SLC26A8: variants seen among roughly 807,000 people sequenced by gnomAD.
SLC26A8 encodes the protein testis anion transporter 1.
Under a neutral mutation model 105.0 loss-of-function variants are expected in SLC26A8, and 70 were observed. The ratio of observed to expected loss-of-function variants is 0.67; its 90% CI spans 0.55 to 0.81. The LOEUF (loss-of-function observed/expected upper bound fraction) is 0.81. SLC26A8 is among the 40% of genes least tolerant of loss of function. The pLI is 0.00. For synonymous variants in SLC26A8, 415 were observed against 438.3 expected (o/e 0.95, Z 0.66); for missense variants, 998 against 1,181.8 (o/e 0.84, Z 2.28).
intron 5 of SLC26A8, among the ~76,000 whole-genome samples, chr6:35,993,674 C>T (rs1275365711): frequency 1.3e-5 from 2 of 151,928 alleles, no homozygotes; most frequent in Non-Finnish European, 2.9e-5. Context: ...ATGTTGGGGA[C>T]AATATTTGAT....
intron 4 of SLC26A8, among the ~76,000 whole-genome samples, chr6:35,998,154 T>C (rs974945378): frequency 5.9e-5 from 9 of 152,190 alleles, no homozygotes; most frequent in African/African-American, 1.4e-4. Flanking sequence ...CTTTGTGTTA[T>C]GGGTATGTTG....
At chr6:35,993,717 C>T (rs181870922) in intron 5 of SLC26A8, among the ~76,000 whole-genome samples, 1 of 151,940 alleles carries the variant, frequency 6.6e-6, no homozygotes, top group Non-Finnish European at 1.5e-5. Context: ...TTGAGATGTT[C>T]GTCTTTTATA....
intron 5 of SLC26A8, among the ~76,000 whole-genome samples, chr6:35,993,258 G>A (rs1334104030): frequency 6.7e-6 from 1 of 148,226 alleles, no homozygotes; most frequent in Non-Finnish European, 1.5e-5. Flanking sequence ...TCCTGTTTTG[G>A]CCTCCCAAAA....
chr6:35,989,753 G>A (rs928219203), intron 7 of SLC26A8: 1 of 152,142 alleles, frequency 6.6e-6, no homozygotes, highest in African/African-American at 2.4e-5. Context: ...AGGACTACAA[G>A]ATAGGCATCA....
chr6:36,019,253 G>A (rs1390450673), intron 2 of SLC26A8, among the ~76,000 whole-genome samples: 1 of 152,066 alleles, frequency 6.6e-6, no homozygotes, highest in Admixed American at 6.6e-5. Flanking sequence ...TCGGGAGTCT[G>A]GTAGTCATGG....
chr6:36,000,955 C>A (rs1049794833), intron 3 of SLC26A8, among the ~76,000 whole-genome samples: 3 of 152,192 alleles, frequency 2.0e-5, no homozygotes, highest in Non-Finnish European at 2.9e-5. Flanking sequence ...AAATCCAAGG[C>A]ATTCGATTAT....
intron 19 of SLC26A8, among the ~76,000 whole-genome samples, chr6:35,946,068 C>T (rs559432736): frequency 1.3e-4 from 20 of 152,278 alleles, no homozygotes; most frequent in Middle Eastern, 6.8e-3. Flanking sequence ...TCTATCTATG[C>T]TCTCTCCATA....
intron 3 of SLC26A8, among the ~76,000 whole-genome samples, chr6:36,011,742 A>G (rs535442679): frequency 6.6e-6 from 1 of 152,130 alleles, no homozygotes; most frequent in African/African-American, 2.4e-5. Context: ...AGAGTAACTA[A>G]GACTACAGGC....
chr6:35,959,877 G>A (rs1273214698), intron 14 of SLC26A8, 71 bp from the exon 15 acceptor site: 5 of 1,158,386 alleles, frequency 4.3e-6, no homozygotes, highest in Non-Finnish European at 6.3e-6. Context: ...TATATCCTTA[G>A]AAGCTCCTAG....
At chr6:35,999,774 T>C (rs1341212558) in intron 4 of SLC26A8, among the ~76,000 whole-genome samples, 1 of 152,204 alleles carries the variant, frequency 6.6e-6, no homozygotes, top group Non-Finnish European at 1.5e-5. Flanking sequence ...TTTAATTTCT[T>C]TGGGAAACAT....
At chr6:35,957,052 G>A (rs1243487444) in intron 16 of SLC26A8, among the ~76,000 whole-genome samples, 1 of 151,530 alleles carries the variant, frequency 6.6e-6, no homozygotes, top group Non-Finnish European at 1.5e-5. Context: ...GAGAAACCAC[G>A]TCTCTACTAA....
chr6:36,005,093 CT>C (rs1449271382), intron 3 of SLC26A8, among the ~76,000 whole-genome samples: 1 of 152,008 alleles, frequency 6.6e-6, no homozygotes, highest in East Asian at 1.9e-4. Context: ...GTTATCTAGT[CT>C]CATTTAAGTT....
chr6:35,990,370 C>G, intron 7 of SLC26A8: 1 of 245,540 alleles, frequency 4.1e-6, no homozygotes, highest in East Asian at 1.4e-4. Flanking sequence ...AATTGTTTCT[C>G]CATGAACATC....
intron 19 of SLC26A8, among the ~76,000 whole-genome samples, chr6:35,950,809 T>C (rs1021251018): frequency 6.6e-6 from 1 of 152,010 alleles, no homozygotes; most frequent in African/African-American, 2.4e-5. Context: ...AGGGGAGACA[T>C]TTAGAATATT....
chr6:36,021,624 C>A (rs1762128284), intron 1 of SLC26A8, among the ~76,000 whole-genome samples: 1 of 152,058 alleles, frequency 6.6e-6, no homozygotes, highest in South Asian at 2.1e-4. Flanking sequence ...TTAGCTCTAG[C>A]CATTTTTGCC....
Position 35,968,879 on chromosome 6 carries a change from T to C in SLC26A8, c.1363A>G (p.Asn455Asp), listed in dbSNP as rs1189990531. The part of the protein sequence containing the change: ...KMGHFFYTLP[N>D]AVLAGIILSN... Reference sequence around the variant, plus strand: ...GTTATTTGATCAGTTCTACTTACATTTGGCAGTGTGTAGAAAAAGTGTCCC... The same window carrying C: ...GTTATTTGATCAGTTCTACTTACATCTGGCAGTGTGTAGAAAAAGTGTCCC... The change falls in exon 11 of 20, where the codon AAT becomes GAT. Residue 455 changes from asparagine (N) to aspartate (D), a missense_variant and splice_region_variant. Coordinates refer to ENST00000490799, the MANE Select transcript of SLC26A8 (RefSeq NM_052961.4). The C allele has an allele frequency of 6.3e-7, 1 of 1,578,930 alleles. No individual in the cohort carries two copies. The highest frequency in any genetic ancestry group is 2.4e-5 in the East Asian group (1 of 42,376).
intron 9 of SLC26A8, 39 bp downstream of exon 9, chr6:35,977,165 C>G (rs754539273): frequency 1.9e-6 from 3 of 1,579,034 alleles, no homozygotes; most frequent in Non-Finnish European, 2.6e-6. Context: ...GATTAAAGAA[C>G]AAAGAGTTAA....
intron 11 of SLC26A8, among the ~76,000 whole-genome samples, chr6:35,968,603 G>GTATATA (rs1263429829): frequency 1.9e-5 from 1 of 52,392 alleles, no homozygotes; most frequent in Non-Finnish European, 4.4e-5. Context: ...GTGTGTGTGT[G>GTATATA]TGTGTGTATA....
chr6:35,997,856 C>G lies in SLC26A8; in HGVS notation c.509G>C (p.Gly170Ala). 6.2e-7 allele frequency: 1 copy of G among 1,614,084 alleles called. No individual in the cohort carries two copies. Among genetic ancestry groups the G allele is most frequent in the Non-Finnish European group, 8.5e-7 (1 of 1,180,006 alleles). Reference protein sequence around the residue: ...NVLKVSPFNNGQLVMGSFVKN... With the variant: ...NVLKVSPFNNAQLVMGSFVKN... ...GACGAAAGATCCCATGACCAGTTGA[C>G]CGTTGTTGAATGGGCTCACTTTCAG... Residue 170 changes from glycine (G) to alanine (A), a missense_variant, in exon 5 of 20, where the codon GGT (glycine) becomes GCT (alanine). Physicochemically the swap from Gly to Ala is moderately conservative, Grantham distance 60 (BLOSUM62 0). Coordinates refer to ENST00000490799, the MANE Select transcript of SLC26A8 (RefSeq NM_052961.4).
Sources: gnomAD v4.1 joint callset for allele counts (sites outside exome capture counted in the v4.1 genomes callset) on GRCh38, gnomAD v4.1.1 for gene constraint, MANE v1.5 for transcripts, NCBI Gene and HGNC (gene_info 2026-07-23, HGNC 2026-07-21) for gene names.